Variants in RENBP observed in about 807,000 individuals in gnomAD.
RENBP encodes N-acylglucosamine 2-epimerase.
A neutral mutation model predicts 37.8 loss-of-function variants in RENBP; 16 were observed. That is an observed-to-expected ratio of 0.42 (90% CI 0.29 to 0.64). The LOEUF (loss-of-function observed/expected upper bound fraction) is 0.64. Among genes scored for constraint, RENBP ranks in the 30% least tolerant of loss-of-function variants. The pLI is 0.19. For synonymous variants in RENBP, 170 were observed against 154.8 expected, an observed-to-expected ratio of 1.10 and a Z score of -0.73; for missense variants, 347 against 379.5, an observed-to-expected ratio of 0.91 and a Z score of 0.71.
chrX:153,943,368 G>A (rs181790450), intron 5 of RENBP, among the ~76,000 whole-genome samples, 178 bp downstream of exon 5: 5 of 112,730 alleles, frequency 4.4e-5, no homozygotes, highest in African/African-American at 9.7e-5. Context: ...GGGGCAGGGC[G>A]TGGATAGGGC....
intron 9 of RENBP, 118 bp from the exon 10 acceptor site, chrX:153,935,694 A>G (rs1400006022): frequency 1.8e-6 from 1 of 552,651 alleles, no homozygotes; most frequent in African/African-American, 2.3e-5. Context: ...AGAACCAGCG[A>G]TCTTAACCGC....
Position 153,943,718 on chromosome X carries a change from C to T in RENBP, c.290G>A (p.Gly97Asp). 3 of 1,208,146 alleles carry T rather than the reference C, an allele frequency of 2.5e-6. No individual in the cohort carries two copies. Among genetic ancestry groups the T allele is most frequent in the Non-Finnish European group, 3.4e-6 (3 of 893,409 alleles). Residue 97 changes from glycine to aspartate, a missense_variant and splice_region_variant, in exon 5 of 11, where the codon GGT (glycine) becomes GAT (aspartate). Physicochemically the swap from Gly to Asp is moderately conservative, Grantham distance 94. This residue lies in a region of RENBP where 244 missense variants were observed against 279.4 expected (regional missense o/e 0.87). Coordinates refer to ENST00000393700, the MANE Select transcript of RENBP (RefSeq NM_002910.6). Reference sequence around the variant, plus strand: ...GGCATACCGCAGCAAGAACTCACCACCTGGAGGTTGGGGGGTTGGCATGCC... The same window carrying T: ...GGCATACCGCAGCAAGAACTCACCATCTGGAGGTTGGGGGGTTGGCATGCC... ...HAQLLDAAKA[G>D]GEFLLRYARV...
At position 153,935,570 on chromosome X, in the gene RENBP, C is replaced by A; in HGVS notation, c.1084G>T (p.Asp362Tyr). ...CCAAACCATTCCCCGTACTCGGGATCGCGAAACTGGAATAACAGAGACAGT... is the reference window on the plus strand; with the variant it reads ...CCAAACCATTCCCCGTACTCGGGATAGCGAAACTGGAATAACAGAGACAGT... ...VAEYTFRQFR[D>Y]PEYGEWFGYL... is the part of the protein sequence containing the mutation. The change falls in exon 10 of 11, where the codon GAT becomes TAT. Residue 362 changes from aspartate (D) to tyrosine (Y), a missense_variant. Physicochemically the swap from Asp to Tyr is radical, Grantham distance 160. Around this residue, in one of 3 missense-constraint regions of RENBP, gnomAD observed 91 missense variants for 67.7 expected, o/e 1.34. Coordinates refer to ENST00000393700, the MANE Select transcript of RENBP (RefSeq NM_002910.6). 8.3e-7 allele frequency: 1 copy of A among 1,207,796 alleles called. No homozygotes were observed. Among genetic ancestry groups the A allele is most frequent in the Non-Finnish European group, 1.1e-6 (1 of 892,503 alleles).
Position 153,941,536 on chromosome X carries a change from T to C in RENBP, c.887A>G (p.Asp296Gly). Residue 296 changes from aspartate to glycine, a missense_variant, in exon 8 of 11, where the codon GAC becomes GGC. Transcript: ENST00000393700. ...FLLLPFHSGW[D>G]PDHGGLFYFQ... Reference sequence around the variant, plus strand: ...GTAAAAGAGGCCTCCGTGGTCAGGGTCCCATCCGGAGTGGAAGGGCAACAA... The same window carrying C: ...GTAAAAGAGGCCTCCGTGGTCAGGGCCCCATCCGGAGTGGAAGGGCAACAA... 8.3e-7 allele frequency: 1 copy of C among 1,210,357 alleles called. No individual in the cohort carries two copies. Among genetic ancestry groups the C allele is most frequent in the South Asian group, 1.8e-5 (1 of 56,945 alleles).
chrX:153,939,577 C>T (rs2065217750), intron 9 of RENBP, among the ~76,000 whole-genome samples: 1 of 111,971 alleles, frequency 8.9e-6, no homozygotes, highest in Non-Finnish European at 1.9e-5. Flanking sequence ...AGCTTCTGCC[C>T]TGTTCCCTAC....
chrX:153,936,363 G>A (rs1048789589), intron 9 of RENBP, among the ~76,000 whole-genome samples: 30 of 107,335 alleles, frequency 2.8e-4, no homozygotes, highest in African/African-American at 2.7e-4. Flanking sequence ...AAAATTAGCC[G>A]GGAGTGGTGG....
At chrX:153,942,468 C>T in intron 6 of RENBP, 1 of 222,571 alleles carries the variant, frequency 4.5e-6, no homozygotes. Flanking sequence ...AACTCCTGAC[C>T]TCAGGTGATC....
intron 9 of RENBP, 41 bp from the exon 10 acceptor site, chrX:153,935,617 C>T: frequency 9.3e-7 from 1 of 1,075,403 alleles, no homozygotes; most frequent in Non-Finnish European, 1.3e-6. Context: ...CCTGCAGGAC[C>T]CGCCCAGATG....
chrX:153,935,678 G>T, intron 9 of RENBP, 102 bp from the exon 10 acceptor site: 1 of 647,873 alleles, frequency 1.5e-6, no homozygotes, highest in Non-Finnish European at 2.5e-6. Context: ...CAGGTGACGT[G>T]GCTCCAGAAC....
At chrX:153,941,844 G>C in intron 7 of RENBP, 106 bp downstream of exon 7, 1 of 817,242 alleles carries the variant, frequency 1.2e-6, no homozygotes, top group South Asian at 2.1e-5. Context: ...TCGCTCCTCT[G>C]CCTCCTCAAG....
rs199842412 is a variant in RENBP at position 153,935,480 on chromosome X, C to T, written c.1165+9G>A. 4 of 1,198,609 alleles carry T rather than the reference C, an allele frequency of 3.3e-6. No individual in the cohort carries two copies. The East Asian group carries it at 1.2e-4, about 36-fold the overall frequency. ...CAACCCCTGCGGCCCCGCCCTCTCC[C>T]CCACTCACCTTTGAAAGGACCTCCC... On this transcript the variant is annotated intron_variant, in intron 10 of 10. Coordinates refer to ENST00000393700, the MANE Select transcript of RENBP (RefSeq NM_002910.6).
chrX:153,938,796 G>GTTTTT (rs782397481), intron 9 of RENBP, among the ~76,000 whole-genome samples: 1 of 75,019 alleles, frequency 1.3e-5, no homozygotes, highest in African/African-American at 5.9e-5. Flanking sequence ...TTTTTTTTTT[G>GTTTTT]TTTTTTTTTT....
intron 10 of RENBP, 31 bp from the exon 11 acceptor site, chrX:153,935,435 C>T (rs1557108334): frequency 1.7e-6 from 2 of 1,144,920 alleles, no homozygotes; most frequent in Admixed American, 4.6e-5. Context: ...GTAGTGAGGG[C>T]CGGGGGCAGC....
At chrX:153,941,341 A>G in intron 8 of RENBP, 137 bp downstream of exon 8, 4 of 603,959 alleles carry the variant, frequency 6.6e-6, no homozygotes, top group Non-Finnish European at 1.0e-5. Flanking sequence ...CCTTTCCTGT[A>G]ACACTGGCAC....
Position 153,942,909 on chromosome X carries a change from G to C in RENBP, c.633C>G (p.Gly211=). 1 of 1,206,369 alleles carries C rather than the reference G, an allele frequency of 8.3e-7. No individual in the cohort carries two copies. Among genetic ancestry groups the C allele is most frequent in the Non-Finnish European group, 1.1e-6 (1 of 892,393 alleles). ...QLGEADEELA[G]KYAELGDWCA... ...ACCAGTCCCCCAGCTCTGCGTATTT[G>C]CCCGCCAGCTCCTCATCTGCCTCCC... Residue 211 remains glycine (G), a synonymous_variant, in exon 6 of 11, where the codon GGC becomes GGG. Transcript: ENST00000393700.
chrX:153,935,353 G>A lies in RENBP; in HGVS notation c.1217C>T (p.Ala406Val). The A allele has an allele frequency of 9.0e-7, 1 of 1,106,490 alleles. No homozygotes were observed. The allele number at this position is 1,106,490 out of a possible 1,213,427, so 91.2% of individuals were successfully genotyped here. A position where few individuals can be genotyped will look rare whatever the true frequency, so the allele number is the denominator to read the frequency against. Residue 406 changes from alanine to valine, a missense_variant, in exon 11 of 11, where the codon GCC (alanine) becomes GTC (valine). By Grantham distance (64) the Ala-to-Val change is moderately conservative. Transcript: ENST00000393700. The stretch of plus-strand genomic sequence containing the variant: ...GGCGGGGGCGGGGCGGCTCAGCAGG[G>A]CGCCCAGCATCTCCTCGCACATGGC... ...CLAMCEEMLG[A>V]LLSRPAPAPS...
rs1569546343 is a variant in RENBP, at chrX:153,935,306, C to CGGGGGT, written c.1258_1263dup (p.Thr420_Pro421dup). ...AGCCTTTATTCCGCGCCTCGGCAGG[C>CGGGGGT]GGGGGTGGGGGCGGGGGAGGGGGCG... On this transcript the variant is annotated inframe_insertion, in exon 11 of 11. Coordinates refer to ENST00000393700, the MANE Select transcript of RENBP (RefSeq NM_002910.6). 19 of 791,023 alleles carry CGGGGGT rather than the reference C, an allele frequency of 2.4e-5. No homozygotes were observed. In the Admixed American group the frequency reaches 4.4e-4, roughly 19 times the overall value. The allele number at this position is 791,023 out of a possible 1,213,427, so 65.2% of individuals were successfully genotyped here.
rs2065228587 is a variant in RENBP at position 153,941,950 on chromosome X, C to CCCCAG, written c.768_769insCTGGG (p.Gly257LeufsTer28). On this transcript the variant is annotated frameshift_variant and splice_region_variant, in exon 7 of 11. Transcript: ENST00000393700. LOFTEE classifies it high-confidence loss of function. ...GCCCCCAGCCCACCCCGCCCCTCAC[C>CCCCAG]TGGGTTCTGCTGTCTCCCCAGGCAG... The CCCCAG allele has an allele frequency of 5.3e-6, 6 of 1,130,597 alleles. No individual in the cohort carries two copies. The highest frequency in any genetic ancestry group is 7.3e-6 in the Non-Finnish European group (6 of 823,170). The allele number at this position is 1,130,597 out of a possible 1,213,427, so 93.2% of individuals were successfully genotyped here. A position where few individuals can be genotyped will look rare whatever the true frequency, so the allele number is the denominator to read the frequency against.
At chrX:153,939,853 C>T (rs1275011637) in intron 9 of RENBP, among the ~76,000 whole-genome samples, 1 of 108,930 alleles carries the variant, frequency 9.2e-6, no homozygotes, top group Admixed American at 9.8e-5. Flanking sequence ...GGTATTATTC[C>T]CACAGCTGTC....
Sources: gnomAD v4.1 joint callset for allele counts (sites outside exome capture counted in the v4.1 genomes callset) on GRCh38, gnomAD v4.1.1 for gene constraint, gnomAD v4.1.1 regional missense constraint, MANE v1.5 for transcripts, NCBI Gene and HGNC (gene_info 2026-07-23, HGNC 2026-07-21) for gene names.